NAV2: variants seen among roughly 807,000 people sequenced by gnomAD.
NAV2 encodes neuron navigator 2.
NAV2 carries 54 observed loss-of-function variants against 223.2 expected under a neutral mutation model. The observed-to-expected ratio is 0.24, with a 90% CI of 0.19 to 0.30. The LOEUF is 0.30. Among genes scored for constraint, NAV2 ranks in the 10% least tolerant of loss-of-function variants. The pLI is 1.00. For synonymous variants in NAV2, 1,279 were observed against 1,239.3 expected (o/e 1.03, Z -0.67); for missense variants, 2,806 against 3,147.5 (o/e 0.89, Z 2.60).
chr11:19,987,042 TA>T (rs1388787501), intron 11 of NAV2, among the ~76,000 whole-genome samples: 1 of 152,256 alleles, frequency 6.6e-6, no homozygotes, highest in African/African-American at 2.4e-5. Flanking sequence ...TTAATTTTAA[TA>T]TTTTTTTAAA....
rs547363592 is a variant in NAV2 at position 20,077,256 on chromosome 11, CA to C, written c.4984-295del. ...ACGAGCCGAGAGCTCTTTACACAGA[CA>C]GGTAAAAATTATTAGGCAAGGAATG... On this transcript the variant is annotated intron_variant, in intron 22 of 37. Coordinates refer to ENST00000349880, the MANE Select transcript of NAV2 (RefSeq NM_145117.5). Among the ~76,000 whole-genome samples, 172 of 152,068 alleles carry C rather than the reference CA, an allele frequency of 1.1e-3. 3 individuals are homozygous for C. The highest frequency in any genetic ancestry group is 1.2e-3 in the Non-Finnish European group (84 of 68,000).
intron 1 of NAV2, among the ~76,000 whole-genome samples, chr11:19,666,237 C>T (rs1323404299): frequency 2.6e-5 from 4 of 152,196 alleles, no homozygotes; most frequent in Admixed American, 1.3e-4. Flanking sequence ...GTTTCTTCAC[C>T]GGCCAGACCA....
intron 1 of NAV2, among the ~76,000 whole-genome samples, chr11:19,355,348 G>A (rs1853560648): frequency 6.6e-6 from 1 of 151,472 alleles, no homozygotes; most frequent in South Asian, 2.1e-4. Flanking sequence ...CAGCATGAAA[G>A]CTTCCTGGAG....
chr11:19,771,825 C>T lies in NAV2; in HGVS notation c.267+57863C>T, dbSNP rs192526934. 4.3e-3 allele frequency among the ~76,000 whole-genome samples: 656 copies of T among 152,270 alleles called. 4 individuals carry two copies. The highest frequency in any genetic ancestry group is 0.011 in the Admixed American group (174 of 15,300). On this transcript the variant is annotated intron_variant, in intron 1 of 37. Transcript: ENST00000349880. ...GGGCGTATTCATTCATTCATTCATT[C>T]GTAGGCTTGTCAGTGTGACATTGTG...
intron 1 of NAV2, among the ~76,000 whole-genome samples, chr11:19,639,783 C>G (rs2047609825): frequency 6.6e-6 from 1 of 152,108 alleles, no homozygotes; most frequent in African/African-American, 2.4e-5. Flanking sequence ...TTGTGTGGAG[C>G]GTTCTCCCAC....
At chr11:19,667,952 G>A (rs755219593) in intron 1 of NAV2, among the ~76,000 whole-genome samples, 15 of 152,058 alleles carry the variant, frequency 9.9e-5, no homozygotes, top group Admixed American at 2.6e-4. Context: ...TAGCACTCTC[G>A]TCCACTGCCC....
chr11:19,624,633 A>G (rs553999890), intron 1 of NAV2, among the ~76,000 whole-genome samples: 12 of 152,196 alleles, frequency 7.9e-5, no homozygotes, highest in South Asian at 6.2e-4. Context: ...GAGTGACCCA[A>G]TTTTCCTGGT....
chr11:19,508,465 C>G (rs1277420738), intron 1 of NAV2, among the ~76,000 whole-genome samples: 1 of 152,190 alleles, frequency 6.6e-6, no homozygotes, highest in East Asian at 1.9e-4. Context: ...CTTCTCTCCT[C>G]AGGGCCTTTG....
At chr11:19,372,542 G>A (rs1848505574) in intron 1 of NAV2, among the ~76,000 whole-genome samples, 1 of 152,322 alleles carries the variant, frequency 6.6e-6, no homozygotes. Context: ...TGGGCTGGTA[G>A]TCCTCCCTCC....
chr11:19,989,000 G>A (rs949707351), intron 11 of NAV2, among the ~76,000 whole-genome samples: 2 of 152,212 alleles, frequency 1.3e-5, no homozygotes, highest in Non-Finnish European at 2.9e-5. Context: ...CAACAAGCCA[G>A]TTATTTCTGA....
rs1474636589 is a variant in NAV2, at chr11:20,064,104, G to A, written c.4884+1745G>A. ...AAAGGCTTTATATAGAGTAACCTTG[G>A]AGAGAGGTTTTTTAAGCCATCATCT... On this transcript the variant is annotated intron_variant, in intron 20 of 37. Transcript: ENST00000349880. 2.6e-5 allele frequency among the ~76,000 whole-genome samples: 4 copies of A among 152,258 alleles called. 1 individual carries two copies. The highest frequency in any genetic ancestry group is 6.8e-3 in the Middle Eastern group (2 of 294).
intron 11 of NAV2, among the ~76,000 whole-genome samples, chr11:20,025,796 A>G (rs1435352059): frequency 6.6e-6 from 1 of 152,158 alleles, no homozygotes; most frequent in Non-Finnish European, 1.5e-5. Flanking sequence ...CTAGGACACT[A>G]TCCATTTATG....
intron 1 of NAV2, among the ~76,000 whole-genome samples, chr11:19,499,218 G>C (rs116593724): frequency 6.6e-6 from 1 of 152,208 alleles, no homozygotes; most frequent in South Asian, 2.1e-4. Context: ...AATTAATGAC[G>C]TGGAACCTCT....
intron 6 of NAV2, among the ~76,000 whole-genome samples, chr11:19,900,602 C>T (rs768903216): frequency 1.4e-4 from 21 of 152,140 alleles, no homozygotes; most frequent in Non-Finnish European, 2.8e-4. Context: ...TTAAAAGTCA[C>T]ATACCCCAAG....
chr11:20,005,717 C>T (rs1158565798), intron 11 of NAV2, among the ~76,000 whole-genome samples: 1 of 152,146 alleles, frequency 6.6e-6, no homozygotes, highest in East Asian at 1.9e-4. Flanking sequence ...CTCACTTCAC[C>T]CTTCAGAACT....
At chr11:19,898,998 C>A (rs993300442) in intron 6 of NAV2, among the ~76,000 whole-genome samples, 8 of 152,180 alleles carry the variant, frequency 5.3e-5, no homozygotes, top group South Asian at 2.1e-4. Context: ...TTTCTACTCT[C>A]AAGATACTTC....
At chr11:19,806,063 C>T (rs1158150052) in intron 1 of NAV2, among the ~76,000 whole-genome samples, 1 of 152,192 alleles carries the variant, frequency 6.6e-6, no homozygotes, top group African/African-American at 2.4e-5. Flanking sequence ...GTTGATTGAA[C>T]ATGCAATTTT....
At chr11:20,098,279 C>T (rs1292018982) in intron 31 of NAV2, among the ~76,000 whole-genome samples, 2 of 152,136 alleles carry the variant, frequency 1.3e-5, no homozygotes, top group Non-Finnish European at 2.9e-5. Context: ...AAAAAAAAAG[C>T]TTCACTGCCA....
At chr11:19,519,261 C>A (rs75899595) in intron 1 of NAV2, among the ~76,000 whole-genome samples, 40 of 152,330 alleles carry the variant, frequency 2.6e-4, no homozygotes, top group East Asian at 2.1e-3. Flanking sequence ...TCAGGGCAGG[C>A]TTCCCAGGTG....
Sources: allele counts gnomAD v4.1 joint callset (sites outside exome capture counted in the v4.1 genomes callset), GRCh38; gene constraint gnomAD v4.1.1; transcripts MANE v1.5; gene names NCBI Gene and HGNC (gene_info 2026-07-23, HGNC 2026-07-21).